The following COPB1 variants were observed in gnomAD, a reference collection of about 807,000 sequenced individuals.
COPB1 encodes coat protein complex I subunit beta 1, also known as coatomer subunit beta.
In COPB1, 21 loss-of-function variants were observed where a neutral mutation model predicts 108.7. The observed-to-expected ratio is 0.19, with a 90% confidence interval of 0.14 to 0.28. The LOEUF (loss-of-function observed/expected upper bound fraction) is 0.28, where lower values mean the gene tolerates loss of function less well. Ranked by LOEUF, COPB1 falls within the 10% of genes least tolerant of loss-of-function variation. The probability of loss-of-function intolerance (pLI) is 1.00; values close to 1 mark genes in which losing one functional copy is unlikely to be tolerated. For synonymous variants in COPB1, 378 were observed against 386.8 expected (o/e 0.98, Z 0.27); for missense variants, 919 against 1,141.3 (o/e 0.81, Z 2.81).
rs757738793 is a variant in COPB1, at chr11:14,490,610, T to G, written c.561A>C (p.Ala187=). ...TCATAAATGCATTCCTTTTGCAACT[T>G]GCATCCTTCTCATTCACCAGAAAAT... ...IHDFLVNEKD[A]SCKRNAFMML... is the part of the protein sequence containing the mutation. Residue 187 remains alanine, a synonymous_variant, in exon 5 of 22, where the codon GCA becomes GCC. Transcript: ENST00000439561. 4.3e-6 allele frequency: 7 copies of G among 1,613,334 alleles called. No individual in the cohort carries two copies. The highest frequency in any genetic ancestry group is 5.9e-6 in the Non-Finnish European group (7 of 1,179,698).
intron 5 of COPB1, among the ~76,000 whole-genome samples, chr11:14,489,589 T>G (rs921099710): frequency 6.6e-6 from 1 of 152,194 alleles, no homozygotes; most frequent in Non-Finnish European, 1.5e-5. Flanking sequence ...TAAATGAACC[T>G]TGAAGACATT....
At chr11:14,488,715 T>C (rs1465554753) in intron 5 of COPB1, 131 bp from the exon 6 acceptor site, 6 of 431,162 alleles carry the variant, frequency 1.4e-5, no homozygotes, top group East Asian at 7.1e-5. Context: ...AGAAATTAAC[T>C]GGGAAAAAAA....
At chr11:14,476,004 T>C in intron 12 of COPB1, 59 bp from the exon 13 acceptor site, 3 of 1,393,750 alleles carry the variant, frequency 2.2e-6, no homozygotes, top group Non-Finnish European at 2.9e-6. Context: ...CAAAATTATC[T>C]TTAAATATTT....
rs550589523 is a variant in COPB1 at position 14,458,711 on chromosome 11, C to T, written c.2647-24G>A. 1.7e-4 allele frequency: 273 copies of T among 1,598,144 alleles called. 6 individuals carry two copies. The East Asian group carries it at 6.1e-3, about 36-fold the overall frequency. ...GCCTGGAAAAAATTTGTGATAAATT[C>T]ATTACTTTACCAGATACCTACATAG... On this transcript the variant is annotated intron_variant, in intron 20 of 21. Transcript: ENST00000439561.
intron 2 of COPB1, among the ~76,000 whole-genome samples, chr11:14,497,753 C>T (rs1851056696): frequency 6.6e-6 from 1 of 152,166 alleles, no homozygotes; most frequent in South Asian, 2.1e-4. Context: ...ATGTTTGTTG[C>T]AGCACTGTTT....
intron 4 of COPB1, 49 bp downstream of exon 4, chr11:14,493,593 A>C (rs1850957007): frequency 6.7e-7 from 1 of 1,490,338 alleles, no homozygotes; most frequent in South Asian, 1.4e-5. Context: ...CTAGTCTAAA[A>C]GACTAAACAG....
At chr11:14,477,845 C>T (rs935058103) in intron 11 of COPB1, among the ~76,000 whole-genome samples, 19 of 148,538 alleles carry the variant, frequency 1.3e-4, no homozygotes, top group Admixed American at 1.0e-3. Flanking sequence ...TGCAGTGAGC[C>T]GAGATCGCGC....
At chr11:14,484,282 A>G (rs1406740615) in intron 7 of COPB1, among the ~76,000 whole-genome samples, 5 of 152,236 alleles carry the variant, frequency 3.3e-5, no homozygotes, top group Admixed American at 3.3e-4. Flanking sequence ...CAAAAAAAGG[A>G]CGTCAGTGGG....
chr11:14,476,201 G>A (rs149606996), intron 12 of COPB1, among the ~76,000 whole-genome samples: 1 of 152,220 alleles, frequency 6.6e-6, no homozygotes, highest in East Asian at 1.9e-4. Context: ...TCTGCTAAGT[G>A]GAAATCTTAA....
intron 11 of COPB1, 131 bp downstream of exon 11, chr11:14,479,438 C>T (rs981680442): frequency 6.3e-5 from 49 of 783,758 alleles, no homozygotes; most frequent in Non-Finnish European, 8.5e-5. Flanking sequence ...TAGCGAGATG[C>T]TTGTTGTACA....
chr11:14,462,221 CTCTTT>C (rs1324466984), intron 18 of COPB1, among the ~76,000 whole-genome samples: 25 of 150,556 alleles, frequency 1.7e-4, no homozygotes, highest in East Asian at 1.2e-3. Flanking sequence ...TCTTTCTAGG[CTCTTT>C]TCTTTTCTTT....
intron 4 of COPB1, 49 bp downstream of exon 4, chr11:14,493,593 A>G: frequency 1.3e-6 from 2 of 1,490,456 alleles, no homozygotes; most frequent in South Asian, 1.4e-5. Flanking sequence ...CTAGTCTAAA[A>G]GACTAAACAG....
At chr11:14,496,396 T>C (rs2134130839) in intron 2 of COPB1, among the ~76,000 whole-genome samples, 1 of 152,188 alleles carries the variant, frequency 6.6e-6, no homozygotes, top group East Asian at 1.9e-4. Flanking sequence ...CATTTCTATA[T>C]GACAACAGTG....
Position 14,468,743 on chromosome 11 carries a change from C to A in COPB1, c.2083G>T (p.Ala695Ser), listed in dbSNP as rs1173783802. 1.9e-6 allele frequency: 3 copies of A among 1,614,014 alleles called. No homozygotes were observed. Among genetic ancestry groups the A allele is most frequent in the Non-Finnish European group, 2.5e-6 (3 of 1,180,030 alleles). Residue 695 changes from alanine (A) to serine (S), a missense_variant, in exon 16 of 22, where the codon GCA (alanine) becomes TCA (serine). Coordinates refer to ENST00000439561, the MANE Select transcript of COPB1 (RefSeq NM_001144061.2). ...KEDQFQLSLL[A>S]AMGNTQRKEA... The stretch of plus-strand genomic sequence containing the variant: ...TTCCTCTGTGTGTTACCCATTGCTG[C>A]CAGTAAACTCAGCTGAAACTGATCT...
At position 14,498,832 on chromosome 11, in the gene COPB1, GT is replaced by G; in HGVS notation, c.91+5del. On this transcript the variant is annotated splice_donor_5th_base_variant and intron_variant, in intron 2 of 21. Transcript: ENST00000439561. ...ATTTCATTCTCAAAATAATATCGAAGTTTACCTAGATCATTTTTTAAGCTAA... is the reference window on the plus strand; with the variant it reads ...ATTTCATTCTCAAAATAATATCGAAGTTACCTAGATCATTTTTTAAGCTAA... 6.3e-7 allele frequency: 1 copy of G among 1,581,658 alleles called. No homozygotes were observed.
At chr11:14,474,397 A>G in intron 14 of COPB1, 98 bp downstream of exon 14, 1 of 1,087,450 alleles carries the variant, frequency 9.2e-7, no homozygotes, top group Non-Finnish European at 1.3e-6. Context: ...CTTTCATGAC[A>G]GAAACTTAGC....
rs1157515373 is a variant in COPB1 at position 14,470,041 on chromosome 11, AT to A, written c.1738-479del. On this transcript the variant is annotated intron_variant, in intron 14 of 21. Transcript: ENST00000439561. ...TCAGAACAGTTTCCTACAAACCACA[AT>A]TTCATTTTCTCATCTGAAAAATTCA... Among the ~76,000 whole-genome samples the A allele has an allele frequency of 5.3e-5, 8 of 152,336 alleles. No homozygotes were observed. In the East Asian group the frequency reaches 1.5e-3, roughly 29 times the overall value.
chr11:14,468,988 A>ACTTTT lies in COPB1; in HGVS notation c.1966-133_1966-129dup, dbSNP rs576806617. ...AAAACAACAAGAAAACCCACAAAGC[A>ACTTTT]CTTTTCTTTTCTTTTTTTTCTTCCT... is the stretch of plus-strand genomic sequence containing the variant. On this transcript the variant is annotated intron_variant, in intron 15 of 21. Transcript: ENST00000439561. 5,023 of 803,800 alleles carry ACTTTT rather than the reference A, an allele frequency of 6.2e-3. 24 individuals carry two copies. The highest frequency in any genetic ancestry group is 8.2e-3 in the Non-Finnish European group (4,156 of 507,000). 49.8% of individuals were successfully genotyped at this position (803,800 alleles called of 1,614,324 possible).
chr11:14,460,322 G>A (rs368830467), intron 19 of COPB1, 25 bp from the exon 20 acceptor site: 7 of 1,423,094 alleles, frequency 4.9e-6, no homozygotes, highest in Non-Finnish European at 6.8e-6. Flanking sequence ...AAAAAGTCAA[G>A]GAGATCATAA....
Sources: allele counts gnomAD v4.1 joint callset (sites outside exome capture counted in the v4.1 genomes callset), GRCh38; gene constraint gnomAD v4.1.1; transcripts MANE v1.5; gene names NCBI Gene and HGNC (gene_info 2026-07-23, HGNC 2026-07-21).